CDH20: variants seen among roughly 807,000 people sequenced by gnomAD.
CDH20 encodes cadherin 20, also known as cadherin-20.
Under a neutral mutation model 74.2 loss-of-function variants are expected in CDH20, and 29 were observed. The observed-to-expected ratio is 0.39, with a 90% confidence interval of 0.29 to 0.53. The LOEUF (loss-of-function observed/expected upper bound fraction) is 0.53, where lower values mean the gene tolerates loss of function less well. CDH20 is among the 20% of genes least tolerant of loss of function. CDH20 has a pLI of 0.69. For missense variants in CDH20, 988 were observed against 1,048.3 expected (o/e 0.94, Z 0.79); for synonymous variants, 469 against 405.4 (o/e 1.16, Z -1.88).
Position 61,455,941 on chromosome 18 carries a change from T to C in CDH20, c.-152-34461T>C, listed in dbSNP as rs528585152. On this transcript the variant is annotated intron_variant, in intron 1 of 11. Coordinates refer to ENST00000262717, the MANE Select transcript of CDH20 (RefSeq NM_031891.4). ...GCATCTTCACGTTGAGCATTGCTTT[T>C]GTAAAGAACTTTTCATAAATTACTG... is the stretch of plus-strand genomic sequence containing the variant. Among the ~76,000 whole-genome samples the C allele has an allele frequency of 1.1e-4, 16 of 152,364 alleles. No individual in the cohort carries two copies. In the South Asian group the frequency reaches 3.3e-3, roughly 32 times the overall value.
intron 1 of CDH20, among the ~76,000 whole-genome samples, chr18:61,352,446 C>T (rs1910335578): frequency 6.6e-6 from 1 of 152,088 alleles, no homozygotes; most frequent in African/African-American, 2.4e-5. Flanking sequence ...AAGTTTTGCC[C>T]TCTATGATAA....
chr18:61,353,789 C>A lies in CDH20; in HGVS notation c.-153+19962C>A, dbSNP rs977707372. Among the ~76,000 whole-genome samples, 12 of 152,080 alleles carry A rather than the reference C, an allele frequency of 7.9e-5. No individual in the cohort carries two copies. The highest frequency in any genetic ancestry group is 2.9e-4 in the African/African-American group (12 of 41,428). On this transcript the variant is annotated intron_variant, in intron 1 of 11. Coordinates refer to ENST00000262717, the MANE Select transcript of CDH20 (RefSeq NM_031891.4). The surrounding 1 kb of genome is among the most constrained non-coding windows in gnomAD (Gnocchi z 4.6). ...TATGTTAATAAAAGTTAAAAAAAAT[C>A]TTTCAGTTCCAGCCAGTCATGGTGG...
chr18:61,439,944 T>A (rs1412455482), intron 1 of CDH20, among the ~76,000 whole-genome samples: 1 of 152,224 alleles, frequency 6.6e-6, no homozygotes, highest in Non-Finnish European at 1.5e-5. Flanking sequence ...GCATATTAAT[T>A]GTTACAGGTC....
chr18:61,360,416 C>A (rs1910649686), intron 1 of CDH20, among the ~76,000 whole-genome samples: 1 of 152,050 alleles, frequency 6.6e-6, no homozygotes, highest in Non-Finnish European at 1.5e-5. Flanking sequence ...GGAGGGAATA[C>A]AAAATGAAAG....
At chr18:61,351,590 A>G (rs932750872) in intron 1 of CDH20, among the ~76,000 whole-genome samples, 1 of 152,130 alleles carries the variant, frequency 6.6e-6, no homozygotes, top group Non-Finnish European at 1.5e-5. Flanking sequence ...GAACTTGTTT[A>G]GTTTGCCTCT....
intron 4 of CDH20, among the ~76,000 whole-genome samples, chr18:61,501,200 C>T (rs564002730): frequency 4.6e-5 from 7 of 152,092 alleles, no homozygotes; most frequent in Non-Finnish European, 8.8e-5. Flanking sequence ...AGGAGCAATG[C>T]GGCAGAAAAG....
Position 61,527,366 on chromosome 18 carries a change from AATAGATAGATAG to A in CDH20, c.1018-563_1018-552del, listed in dbSNP as rs10585438. On this transcript the variant is annotated intron_variant, in intron 6 of 11. Transcript: ENST00000262717. ...TAGGCCTCAGTTGCATGAATATTCT[AATAGATAGATAG>A]ATAGATAGATAGATAGATAGATAGA... Among the ~76,000 whole-genome samples, 251 of 142,146 alleles carry A rather than the reference AATAGATAGATAG, an allele frequency of 1.8e-3. 3 individuals carry two copies. The highest frequency in any genetic ancestry group is 0.011 in the Middle Eastern group (3 of 280). 93.3% of individuals were successfully genotyped at this position (142,146 alleles called of 152,430 possible).
intron 1 of CDH20, among the ~76,000 whole-genome samples, chr18:61,378,649 C>T (rs1417913936): frequency 6.6e-6 from 1 of 152,180 alleles, no homozygotes; most frequent in African/African-American, 2.4e-5. Flanking sequence ...GTTTGGCATG[C>T]CACAGCCCAG....
Position 61,550,238 on chromosome 18 carries a change from G to A in CDH20, c.1900+9G>A. The stretch of plus-strand genomic sequence containing the variant: ...CATCTTTGTCCTCTTAGGTGAGTAA[G>A]GGGCTGCTTTCCCTTCTGTGGAGTC... On this transcript the variant is annotated intron_variant, in intron 11 of 11. Coordinates refer to ENST00000262717, the MANE Select transcript of CDH20 (RefSeq NM_031891.4). The A allele has an allele frequency of 6.2e-7, 1 of 1,609,360 alleles. No individual in the cohort carries two copies.
intron 9 of CDH20, among the ~76,000 whole-genome samples, chr18:61,541,180 G>A (rs1412935292): frequency 6.6e-6 from 1 of 152,098 alleles, no homozygotes; most frequent in Non-Finnish European, 1.5e-5. Flanking sequence ...AGTGAACAAT[G>A]ATCGAGAGGG....
intron 7 of CDH20, among the ~76,000 whole-genome samples, chr18:61,534,925 T>C (rs1005699350): frequency 6.6e-6 from 1 of 152,198 alleles, no homozygotes; most frequent in African/African-American, 2.4e-5. Flanking sequence ...GTAATAGACA[T>C]GTTAATTAGC....
At chr18:61,429,180 CA>C (rs1913171895) in intron 1 of CDH20, among the ~76,000 whole-genome samples, 1 of 152,106 alleles carries the variant, frequency 6.6e-6, no homozygotes, top group Non-Finnish European at 1.5e-5. Flanking sequence ...TTTTTCATTT[CA>C]AACAAGGAGA....
intron 11 of CDH20, among the ~76,000 whole-genome samples, chr18:61,553,719 A>G (rs958553148): frequency 6.6e-6 from 1 of 152,242 alleles, no homozygotes; most frequent in African/African-American, 2.4e-5. Flanking sequence ...GTAGAATCCT[A>G]TTAAGATGCT....
chr18:61,349,908 G>A (rs1910250163), intron 1 of CDH20, among the ~76,000 whole-genome samples: 2 of 152,118 alleles, frequency 1.3e-5, no homozygotes, highest in Non-Finnish European at 2.9e-5. Flanking sequence ...AAAAATCAAG[G>A]CAAAGGTGCC....
chr18:61,521,146 TG>T (rs1912192222), intron 6 of CDH20, among the ~76,000 whole-genome samples: 1 of 150,566 alleles, frequency 6.6e-6, no homozygotes, highest in African/African-American at 2.5e-5. Context: ...GCTGGTTTTT[TG>T]AAAAGATTAA....
chr18:61,492,150 CTT>C (rs1386935931), intron 2 of CDH20, among the ~76,000 whole-genome samples: 1 of 152,122 alleles, frequency 6.6e-6, no homozygotes, highest in African/African-American at 2.4e-5. Flanking sequence ...GTAAGAAACT[CTT>C]GTTTTTTTTC....
intron 1 of CDH20, among the ~76,000 whole-genome samples, chr18:61,348,050 T>C (rs1910190469): frequency 6.6e-6 from 1 of 152,196 alleles, no homozygotes; most frequent in Non-Finnish European, 1.5e-5. Context: ...TTATTTCATG[T>C]TTTCAGAGCT....
Position 61,404,585 on chromosome 18 carries a change from G to A in CDH20, c.-153+70758G>A, listed in dbSNP as rs117236117. On this transcript the variant is annotated intron_variant, in intron 1 of 11. Coordinates refer to ENST00000262717, the MANE Select transcript of CDH20 (RefSeq NM_031891.4). ...TGCTGCATGAAATCTTGGTTCTGTC[G>A]CCCAAGATACAATAATAATCCACGG... 5.7e-3 allele frequency among the ~76,000 whole-genome samples: 863 copies of A among 152,056 alleles called. 2 individuals carry two copies. The highest frequency in any genetic ancestry group is 0.015 in the African/African-American group (604 of 41,478).
intron 1 of CDH20, among the ~76,000 whole-genome samples, chr18:61,394,702 T>C (rs1911905239): frequency 2.0e-5 from 3 of 152,096 alleles, no homozygotes; most frequent in Admixed American, 1.3e-4. Context: ...GCTCACTGCT[T>C]TACCACTTGC....
Sources: gnomAD v4.1 joint callset for allele counts (sites outside exome capture counted in the v4.1 genomes callset) on GRCh38, gnomAD v4.1.1 for gene constraint, Gnocchi (gnomAD v3.1) non-coding constraint, MANE v1.5 for transcripts, NCBI Gene and HGNC (gene_info 2026-07-23, HGNC 2026-07-21) for gene names.